The following B3GALT1 variants were observed in gnomAD, a reference collection of about 807,000 sequenced individuals.
B3GALT1 encodes beta-1,3-galactosyltransferase 1.
A neutral mutation model predicts 23.2 loss-of-function variants in B3GALT1; 10 were observed. That is an observed-to-expected ratio of 0.43 (90% CI 0.27 to 0.73). The LOEUF is 0.73. B3GALT1 is among the 30% of genes least tolerant of loss of function. The probability of loss-of-function intolerance (pLI) is 0.21; values close to 1 mark genes in which losing one functional copy is unlikely to be tolerated. For missense variants in B3GALT1, 299 were observed against 405.4 expected (o/e 0.74, Z 2.25); for synonymous variants, 156 against 141.5 (o/e 1.10, Z -0.73).
chr2:167,299,862 A>C (rs575854839), intron 1 of B3GALT1, among the ~76,000 whole-genome samples: 7 of 151,054 alleles, frequency 4.6e-5, no homozygotes, highest in Non-Finnish European at 8.9e-5. Flanking sequence ...TGTGGAATTT[A>C]TATAACATAT....
intron 3 of B3GALT1, among the ~76,000 whole-genome samples, chr2:167,742,177 G>T (rs977691352): frequency 6.6e-6 from 1 of 152,088 alleles, no homozygotes; most frequent in Non-Finnish European, 1.5e-5. Flanking sequence ...TTTCACTCTC[G>T]GTTTTTGATG....
chr2:167,377,318 GGTAGAT>G (rs1264778546), intron 1 of B3GALT1, among the ~76,000 whole-genome samples: 2 of 152,162 alleles, frequency 1.3e-5, no homozygotes, highest in South Asian at 2.1e-4. Context: ...GTGGTTGATG[GGTAGAT>G]TATTCTGTAG....
intron 1 of B3GALT1, among the ~76,000 whole-genome samples, chr2:167,413,914 A>G (rs1698429719): frequency 2.0e-5 from 3 of 152,078 alleles, no homozygotes; most frequent in African/African-American, 7.2e-5. Flanking sequence ...TTCACATGTT[A>G]TGGTAGTTAC....
chr2:167,483,794 TA>T, intron 1 of B3GALT1, among the ~76,000 whole-genome samples: 1 of 152,354 alleles, frequency 6.6e-6, no homozygotes, highest in East Asian at 1.9e-4. Context: ...ATATGTTAAA[TA>T]ATGCCTGCTT....
At chr2:167,694,891 C>G (rs1262323063) in intron 3 of B3GALT1, among the ~76,000 whole-genome samples, 2 of 152,106 alleles carry the variant, frequency 1.3e-5, no homozygotes, top group Non-Finnish European at 2.9e-5. Context: ...AGAGTTGAAT[C>G]TTAACTGTCT....
intron 2 of B3GALT1, among the ~76,000 whole-genome samples, chr2:167,550,627 T>C (rs1191055721): frequency 6.6e-6 from 1 of 152,196 alleles, no homozygotes; most frequent in Non-Finnish European, 1.5e-5. Flanking sequence ...AATAGTGGCC[T>C]CTAGTGGTTG....
intron 3 of B3GALT1, among the ~76,000 whole-genome samples, chr2:167,699,380 ATT>A (rs1169813738): frequency 0.038 from 3,777 of 100,130 alleles, 85 homozygotes; most frequent in African/African-American, 0.13. Context: ...CATTATTTCT[ATT>A]TTTTTTTTTT....
chr2:167,441,535 T>A (rs573484814), intron 1 of B3GALT1, among the ~76,000 whole-genome samples: 140 of 152,342 alleles, frequency 9.2e-4, no homozygotes, highest in Non-Finnish European at 1.1e-3. Context: ...TCTCCACCAA[T>A]GTTACATGAT....
chr2:167,772,913 C>T (rs2105310354), intron 3 of B3GALT1, among the ~76,000 whole-genome samples: 1 of 152,276 alleles, frequency 6.6e-6, no homozygotes, highest in African/African-American at 2.4e-5. Flanking sequence ...CAAAAGTAAA[C>T]ATTTCCTTTA....
At chr2:167,848,502 A>G (rs953843953) in intron 4 of B3GALT1, among the ~76,000 whole-genome samples, 1 of 152,228 alleles carries the variant, frequency 6.6e-6, no homozygotes, top group South Asian at 2.1e-4. Context: ...TCACATGATG[A>G]TCTCAATAGA....
In B3GALT1 at chr2:167,872,149, G is replaced by T; in HGVS notation, c.*2129G>T. The T allele has an allele frequency of 6.6e-6, 1 of 151,736 alleles. No individual in the cohort carries two copies. The highest frequency in any genetic ancestry group is 1.5e-5 in the Non-Finnish European group (1 of 67,940). The allele number at this position is 151,736 out of a possible 1,614,324, so 9.4% of individuals were successfully genotyped here. ...GATCTCCTGACCTCGTGATCCGCCC[G>T]CCTCGGCCTCCCAAAGTGCTGGGAT... On this transcript the variant is annotated 3_prime_UTR_variant, in exon 5 of 5. Coordinates refer to ENST00000392690, the MANE Select transcript of B3GALT1 (RefSeq NM_020981.4).
chr2:167,429,434 T>C (rs1698674926), intron 1 of B3GALT1, among the ~76,000 whole-genome samples: 1 of 152,006 alleles, frequency 6.6e-6, no homozygotes, highest in South Asian at 2.1e-4. Context: ...AGAATCCAGA[T>C]GGAAACAAAC....
intron 1 of B3GALT1, among the ~76,000 whole-genome samples, chr2:167,400,934 G>A (rs1303591893): frequency 2.6e-5 from 4 of 152,180 alleles, no homozygotes; most frequent in Middle Eastern, 3.4e-3. Context: ...GTCCAATAGC[G>A]GGAACTTCAA....
At chr2:167,493,777 T>G (rs1202025704) in intron 2 of B3GALT1, among the ~76,000 whole-genome samples, 2 of 152,188 alleles carry the variant, frequency 1.3e-5, no homozygotes, top group African/African-American at 4.8e-5. Context: ...GAATGCTGGA[T>G]TTTCAAACAT....
intron 2 of B3GALT1, among the ~76,000 whole-genome samples, chr2:167,521,153 A>G (rs2088881551): frequency 6.6e-6 from 1 of 152,092 alleles, no homozygotes; most frequent in Non-Finnish European, 1.5e-5. Context: ...TCTTCCACCC[A>G]AGCTTCACCA....
In B3GALT1 at chr2:167,714,281, G is replaced by A. The variant is rs1687109146; in HGVS notation, c.-352+67315G>A. The stretch of plus-strand genomic sequence containing the variant: ...CCTACGGTCCTGTTCCCATGGAGAT[G>A]AGAGGGACCCAGTGTCAGAAGGAGC... On this transcript the variant is annotated intron_variant, in intron 3 of 4. Transcript: ENST00000392690. 10 of 1,500,538 alleles carry A rather than the reference G, an allele frequency of 6.7e-6. 1 individual carries two copies. In the South Asian group the frequency reaches 1.1e-4, roughly 17 times the overall value. 93.0% of individuals were successfully genotyped at this position (1,500,538 alleles called of 1,614,324 possible).
At position 167,869,124 on chromosome 2, in the gene B3GALT1, A is replaced by C. The variant is rs372290869; in HGVS notation, c.85A>C (p.Thr29Pro). ...CTGGTACTTGAGTATAACTCGCCCT[A>C]CTTCTTCTTACACTGGCTCCAAACC... ...ALWYLSITRP[T>P]SSYTGSKPFS... The change falls in exon 5 of 5, where the codon ACT becomes CCT. Residue 29 changes from threonine (T) to proline (P), a missense_variant. Thr to Pro is a conservative substitution (Grantham distance 38). This residue lies in a region of B3GALT1 where 162 missense variants were observed against 184.1 expected (regional missense o/e 0.88). Coordinates refer to ENST00000392690, the MANE Select transcript of B3GALT1 (RefSeq NM_020981.4). The surrounding 1 kb of genome is among the most constrained non-coding windows in gnomAD (Gnocchi z 6.4). 1.1e-4 allele frequency: 178 copies of C among 1,613,998 alleles called. 1 individual carries two copies. Among genetic ancestry groups the C allele is most frequent in the Non-Finnish European group, 1.4e-4 (165 of 1,180,040 alleles).
At chr2:167,383,109 A>G (rs1431358344) in intron 1 of B3GALT1, among the ~76,000 whole-genome samples, 1 of 151,998 alleles carries the variant, frequency 6.6e-6, no homozygotes, top group Non-Finnish European at 1.5e-5. Context: ...TTTCTCATAT[A>G]TCCCATAAAT....
intron 3 of B3GALT1, among the ~76,000 whole-genome samples, chr2:167,651,507 C>G (rs1275918549): frequency 1.3e-5 from 2 of 152,066 alleles, no homozygotes; most frequent in Admixed American, 1.3e-4. Context: ...TTTCTTCATT[C>G]AGAGAGAAAA....
Sources: gnomAD v4.1 joint callset for allele counts (sites outside exome capture counted in the v4.1 genomes callset) on GRCh38, gnomAD v4.1.1 for gene constraint, gnomAD v4.1.1 regional missense constraint, Gnocchi (gnomAD v3.1) non-coding constraint, MANE v1.5 for transcripts, NCBI Gene and HGNC (gene_info 2026-07-23, HGNC 2026-07-21) for gene names.